The following GLRA2 variants were observed in gnomAD, a reference collection of about 807,000 sequenced individuals.
The protein encoded by GLRA2 is glycine receptor subunit alpha-2.
In GLRA2, 11 loss-of-function variants were observed where a neutral mutation model predicts 31.6. That is an observed-to-expected ratio of 0.35 (90% CI 0.22 to 0.58). GLRA2 has a LOEUF of 0.58. Ranked by LOEUF, GLRA2 falls within the 20% of genes least tolerant of loss-of-function variation. GLRA2 has a pLI of 0.84. For synonymous variants in GLRA2, 132 were observed against 134.0 expected (o/e 0.99, Z 0.10); for missense variants, 212 against 351.8 (o/e 0.60, Z 3.18).
the GLRA2 span, among the ~76,000 whole-genome samples, chrX:14,519,093 GT>G: frequency 9.4e-6 from 1 of 106,493 alleles, no homozygotes; most frequent in Non-Finnish European, 1.9e-5. Flanking sequence ...GATTTTTTGT[GT>G]CTTATGTTAT....
At chrX:14,492,681 A>G in the GLRA2 span, among the ~76,000 whole-genome samples, 306 of 111,981 alleles carry the variant, frequency 2.7e-3, no homozygotes, top group African/African-American at 9.4e-3. Flanking sequence ...GTCATTCTGG[A>G]AAACAAGTTT....
intron 2 of GLRA2, among the ~76,000 whole-genome samples, chrX:14,570,578 G>A (rs988384962): frequency 9.0e-6 from 1 of 111,534 alleles, no homozygotes; most frequent in East Asian, 2.8e-4. Flanking sequence ...CAAACTCCTA[G>A]GTGATGCTGA....
At chrX:14,473,943 G>C in the GLRA2 span, among the ~76,000 whole-genome samples, 2 of 111,932 alleles carry the variant, frequency 1.8e-5, no homozygotes, top group Admixed American at 1.9e-4. Flanking sequence ...GTTTCCTGCT[G>C]TTCTATTACA....
At chrX:14,566,520 G>A (rs951106311) in intron 2 of GLRA2, among the ~76,000 whole-genome samples, 2 of 111,876 alleles carry the variant, frequency 1.8e-5, no homozygotes, top group African/African-American at 6.5e-5. Context: ...ATATCCCTTT[G>A]TAGTGAGTGC....
intron 4 of GLRA2, among the ~76,000 whole-genome samples, chrX:14,588,223 T>A (rs185101984): frequency 1.8e-5 from 2 of 112,027 alleles, no homozygotes; most frequent in African/African-American, 3.2e-5. Flanking sequence ...ATTTTTATAG[T>A]TTGAGGCCAT....
At chrX:14,631,449 G>A (rs1352054628) in intron 7 of GLRA2, among the ~76,000 whole-genome samples, 2 of 111,030 alleles carry the variant, frequency 1.8e-5, no homozygotes, top group Non-Finnish European at 3.8e-5. Flanking sequence ...TGTATGCCTG[G>A]TAACTTTTTA....
In GLRA2 at chrX:14,642,803, G is replaced by C. The variant is rs188967227; in HGVS notation, c.930+33598G>C. Among the ~76,000 whole-genome samples, 21 of 110,758 alleles carry C rather than the reference G, an allele frequency of 1.9e-4. No individual in the cohort carries two copies. In the East Asian group the frequency reaches 4.5e-3, roughly 24 times the overall value. Reference sequence around the variant, plus strand: ...ATATTCTTATTGATCAGGTATGGTAGGCAGATTTCTAAAAATCCCTTTTCC... The same window carrying C: ...ATATTCTTATTGATCAGGTATGGTACGCAGATTTCTAAAAATCCCTTTTCC... On this transcript the variant is annotated intron_variant, in intron 7 of 8. Coordinates refer to ENST00000218075, the MANE Select transcript of GLRA2 (RefSeq NM_002063.4).
chrX:14,730,932 AC>A lies in GLRA2; in HGVS notation c.*448del, dbSNP rs1167062679. ...CACACACACACACACACACACACAC[AC>A]ACACACACACACACACAAACTTCAA... On this transcript the variant is annotated 3_prime_UTR_variant, in exon 9 of 9. Transcript: ENST00000218075. The A allele has an allele frequency of 8.6e-6, 1 of 115,999 alleles. No homozygotes were observed. Among genetic ancestry groups the A allele is most frequent in the Non-Finnish European group, 1.7e-5 (1 of 57,570 alleles). 9.6% of individuals were successfully genotyped at this position (115,999 alleles called of 1,213,427 possible).
rs1332690327 is a variant in GLRA2 at position 14,683,382 on chromosome X, A to G, written c.931-7328A>G. 4.5e-5 allele frequency among the ~76,000 whole-genome samples: 5 copies of G among 111,630 alleles called. No homozygotes were observed. The East Asian group carries it at 1.4e-3, about 31-fold the overall frequency. On this transcript the variant is annotated intron_variant, in intron 7 of 8. Coordinates refer to ENST00000218075, the MANE Select transcript of GLRA2 (RefSeq NM_002063.4). ...AAGTGTCTGTTCATGTCCTTTGCCCATTTGTTGATGGGGTTGTTTTTTTCT... is the reference window on the plus strand; with the variant it reads ...AAGTGTCTGTTCATGTCCTTTGCCCGTTTGTTGATGGGGTTGTTTTTTTCT...
chrX:14,692,243 G>A (rs1201694602), intron 8 of GLRA2, among the ~76,000 whole-genome samples: 2 of 112,270 alleles, frequency 1.8e-5, no homozygotes, highest in Admixed American at 9.4e-5. Context: ...CCTCTTTGCT[G>A]TACATTACCT....
At chrX:14,725,170 T>C (rs2091915549) in intron 8 of GLRA2, among the ~76,000 whole-genome samples, 1 of 111,848 alleles carries the variant, frequency 8.9e-6, no homozygotes, top group Non-Finnish European at 1.9e-5. Flanking sequence ...CTGACCATGG[T>C]TTTAAGTGAA....
the GLRA2 span, among the ~76,000 whole-genome samples, chrX:14,455,743 T>C: frequency 8.9e-6 from 1 of 112,003 alleles, no homozygotes; most frequent in Non-Finnish European, 1.9e-5. Flanking sequence ...CATGAATTTG[T>C]GTTTAATTTT....
chrX:14,493,922 AAACT>A, the GLRA2 span, among the ~76,000 whole-genome samples: 1 of 108,873 alleles, frequency 9.2e-6, no homozygotes, highest in Non-Finnish European at 1.9e-5. Context: ...AATACTTTAA[AAACT>A]AACCAAATAA....
At chrX:14,654,175 A>T (rs1442719766) in intron 7 of GLRA2, among the ~76,000 whole-genome samples, 1 of 111,156 alleles carries the variant, frequency 9.0e-6, no homozygotes, top group African/African-American at 3.3e-5. Context: ...CTGTCACCCA[A>T]CCTTCAGCAA....
At chrX:14,577,166 C>A (rs2089966475) in intron 3 of GLRA2, among the ~76,000 whole-genome samples, 1 of 112,694 alleles carries the variant, frequency 8.9e-6, no homozygotes, top group Non-Finnish European at 1.9e-5. Context: ...ATGAAAGCAG[C>A]CATAAACAAT....
At chrX:14,693,483 A>G (rs2091395110) in intron 8 of GLRA2, among the ~76,000 whole-genome samples, 1 of 112,020 alleles carries the variant, frequency 8.9e-6, no homozygotes, top group Admixed American at 9.5e-5. Flanking sequence ...GTTTAAATTG[A>G]CAGATATAAA....
At chrX:14,544,118 C>T (rs757809058) in intron 2 of GLRA2, among the ~76,000 whole-genome samples, 1 of 111,697 alleles carries the variant, frequency 9.0e-6, no homozygotes, top group African/African-American at 3.2e-5. Flanking sequence ...CATTATGATG[C>T]CACAAGAGAA....
intron 2 of GLRA2, among the ~76,000 whole-genome samples, chrX:14,539,655 A>G (rs1406310708): frequency 9.0e-6 from 1 of 111,562 alleles, no homozygotes; most frequent in Non-Finnish European, 1.9e-5. Context: ...CCATTCCATT[A>G]TTAATATGAT....
At chrX:14,692,218 AACAAGC>A (rs1181304369) in intron 8 of GLRA2, among the ~76,000 whole-genome samples, 3 of 112,159 alleles carry the variant, frequency 2.7e-5, no homozygotes, top group Middle Eastern at 4.2e-3. Flanking sequence ...AAAACAAGTA[AACAAGC>A]ACAAATATCC....
Sources: allele counts gnomAD v4.1 joint callset (sites outside exome capture counted in the v4.1 genomes callset), GRCh38; gene constraint gnomAD v4.1.1; transcripts MANE v1.5; gene names NCBI Gene and HGNC (gene_info 2026-07-23, HGNC 2026-07-21).